Variants in LYN observed in about 807,000 individuals in gnomAD.
LYN encodes tyrosine-protein kinase Lyn.
LYN carries 12 observed loss-of-function variants against 65.0 expected under a neutral mutation model. The observed-to-expected ratio is 0.18, with a 90% CI of 0.12 to 0.30. The LOEUF is 0.30. LYN is among the 10% of genes least tolerant of loss of function. The pLI, the probability that LYN is intolerant of heterozygous loss-of-function variation, is 1.00. For missense variants in LYN, 380 were observed against 623.2 expected, an observed-to-expected ratio of 0.61 and a Z score of 4.16; for synonymous variants, 222 against 221.2, an observed-to-expected ratio of 1.00 and a Z score of -0.03.
chr8:55,968,066 G>A (rs1260463237), intron 9 of LYN, among the ~76,000 whole-genome samples: 2 of 152,004 alleles, frequency 1.3e-5, no homozygotes, highest in Non-Finnish European at 2.9e-5. Flanking sequence ...CCAAACAATG[G>A]CATTGTTTGT....
chr8:55,898,925 C>T lies in LYN; in HGVS notation c.-6+18822C>T, dbSNP rs113780740. On this transcript the variant is annotated intron_variant, in intron 1 of 12. Coordinates refer to ENST00000519728, the MANE Select transcript of LYN (RefSeq NM_002350.4). ...TGTAGCCTCTGATCTTCTGGGCTCA[C>T]GCAATCCTCCTGCCTCAGCCTCCTG... Among the ~76,000 whole-genome samples the T allele has an allele frequency of 8.0e-4, 122 of 152,204 alleles. 3 individuals are homozygous for T. The highest frequency in any genetic ancestry group is 2.6e-3 in the African/African-American group (106 of 41,518).
At chr8:55,991,736 A>G (rs989138616) in intron 10 of LYN, among the ~76,000 whole-genome samples, 4 of 152,082 alleles carry the variant, frequency 2.6e-5, no homozygotes, top group African/African-American at 9.7e-5. Flanking sequence ...CCACACTCAG[A>G]GTTTTGGTCA....
chr8:55,972,144 A>C (rs1429086592), intron 10 of LYN, among the ~76,000 whole-genome samples: 1 of 152,206 alleles, frequency 6.6e-6, no homozygotes, highest in African/African-American at 2.4e-5. Context: ...CCCATAGTTC[A>C]TCTGGCTCAA....
intron 1 of LYN, among the ~76,000 whole-genome samples, chr8:55,900,215 C>A (rs1014879802): frequency 6.6e-6 from 1 of 152,148 alleles, no homozygotes; most frequent in African/African-American, 2.4e-5. Flanking sequence ...GAAAAAAATT[C>A]ACTGGAGTTG....
chr8:55,946,066 G>A (rs1806766818), intron 2 of LYN, among the ~76,000 whole-genome samples: 1 of 152,222 alleles, frequency 6.6e-6, no homozygotes, highest in Admixed American at 6.5e-5. Context: ...ACCGATCTGC[G>A]GACCAAAACT....
At chr8:55,893,369 T>C (rs1238420594) in intron 1 of LYN, among the ~76,000 whole-genome samples, 2 of 152,234 alleles carry the variant, frequency 1.3e-5, no homozygotes, top group Non-Finnish European at 2.9e-5. Context: ...AAACATCCTG[T>C]TATATGACAC....
At chr8:55,964,705 G>C (rs1435137663) in intron 8 of LYN, among the ~76,000 whole-genome samples, 2 of 151,694 alleles carry the variant, frequency 1.3e-5, no homozygotes, top group Middle Eastern at 3.2e-3. Flanking sequence ...TGTCTCTCCT[G>C]GAAAAAAGAA....
intron 8 of LYN, among the ~76,000 whole-genome samples, chr8:55,961,863 C>T (rs1440008313): frequency 2.0e-5 from 3 of 152,092 alleles, no homozygotes; most frequent in Admixed American, 6.6e-5. Context: ...AAGCCCCCAC[C>T]GTCCACCCAT....
intron 1 of LYN, among the ~76,000 whole-genome samples, chr8:55,897,668 T>C (rs1055852551): frequency 6.6e-6 from 1 of 152,086 alleles, no homozygotes; most frequent in Non-Finnish European, 1.5e-5. Flanking sequence ...TGCTAGCACT[T>C]TGGGAGGCCG....
intron 1 of LYN, among the ~76,000 whole-genome samples, chr8:55,934,721 T>G (rs1806375686): frequency 6.6e-6 from 1 of 152,190 alleles, no homozygotes; most frequent in Admixed American, 6.5e-5. Context: ...ACATCCCTCC[T>G]GTGTTGAGGG....
chr8:55,898,293 T>C (rs1805174690), intron 1 of LYN, among the ~76,000 whole-genome samples: 1 of 152,152 alleles, frequency 6.6e-6, no homozygotes, highest in African/African-American at 2.4e-5. Context: ...TATTTTTACT[T>C]TTAATTTTGT....
At chr8:55,990,428 T>G (rs1808216366) in intron 10 of LYN, among the ~76,000 whole-genome samples, 1 of 152,098 alleles carries the variant, frequency 6.6e-6, no homozygotes, top group Non-Finnish European at 1.5e-5. Flanking sequence ...ATGTCTCTTA[T>G]GGGACCTTAA....
chr8:55,929,803 C>T (rs1806208151), intron 1 of LYN, among the ~76,000 whole-genome samples: 1 of 152,100 alleles, frequency 6.6e-6, no homozygotes, highest in Non-Finnish European at 1.5e-5. Context: ...GTTGACAAAC[C>T]CTGTTGTAGA....
chr8:55,983,167 T>C lies in LYN; in HGVS notation c.1050+13374T>C, dbSNP rs574501480. ...CTGAGGAGCCTCATGAACCCCGACATGTGCCCAGTCTGCTCCCTCTCACTG... is the reference window on the plus strand; with the variant it reads ...CTGAGGAGCCTCATGAACCCCGACACGTGCCCAGTCTGCTCCCTCTCACTG... On this transcript the variant is annotated intron_variant, in intron 10 of 12. Coordinates refer to ENST00000519728, the MANE Select transcript of LYN (RefSeq NM_002350.4). 3.3e-5 allele frequency among the ~76,000 whole-genome samples: 5 copies of C among 152,220 alleles called. 1 individual carries two copies. Among genetic ancestry groups the C allele is most frequent in the African/African-American group, 1.2e-4 (5 of 41,548 alleles).
At chr8:55,956,415 C>A (rs1294830069) in intron 8 of LYN, among the ~76,000 whole-genome samples, 1 of 152,084 alleles carries the variant, frequency 6.6e-6, no homozygotes, top group Non-Finnish European at 1.5e-5. Context: ...ATAGTATTAG[C>A]CGGTCCTATT....
intron 10 of LYN, among the ~76,000 whole-genome samples, chr8:55,975,759 G>A (rs577004151): frequency 2.7e-4 from 39 of 144,716 alleles, no homozygotes; most frequent in Non-Finnish European, 4.6e-4. Context: ...AAAAGCCAAA[G>A]GAATAGGAAA....
chr8:55,984,231 G>A (rs1265835414), intron 10 of LYN, among the ~76,000 whole-genome samples: 1 of 152,154 alleles, frequency 6.6e-6, no homozygotes. Context: ...GTTCCGGGTG[G>A]TCGTGAGTTT....
At chr8:55,991,219 A>G (rs1808239451) in intron 10 of LYN, among the ~76,000 whole-genome samples, 1 of 152,180 alleles carries the variant, frequency 6.6e-6, no homozygotes, top group Non-Finnish European at 1.5e-5. Context: ...CCCCAAGGGT[A>G]TCTTTGTTGA....
At position 55,879,941 on chromosome 8, in the gene LYN, C is replaced by A; in HGVS notation, c.-168C>A. 4.8e-6 allele frequency: 1 copy of A among 206,400 alleles called. No homozygotes were observed. The highest frequency in any genetic ancestry group is 5.9e-5 in the Admixed American group (1 of 17,042). 12.8% of individuals were successfully genotyped at this position (206,400 alleles called of 1,614,324 possible). On this transcript the variant is annotated 5_prime_UTR_variant, in exon 1 of 13. Coordinates refer to ENST00000519728, the MANE Select transcript of LYN (RefSeq NM_002350.4). ...CAGCCCGCGGCAAGCGGGGCGGCCG[C>A]GCCACCCCCGGCCCCGCGCCAGCAG...
Sources: allele counts gnomAD v4.1 joint callset (sites outside exome capture counted in the v4.1 genomes callset), GRCh38; gene constraint gnomAD v4.1.1; transcripts MANE v1.5; gene names NCBI Gene and HGNC (gene_info 2026-07-23, HGNC 2026-07-21).